The following ENTREP2 variants were observed in gnomAD, a reference collection of about 807,000 sequenced individuals.
ENTREP2 encodes the protein protein ENTREP2.
the ENTREP2 span, among the ~76,000 whole-genome samples, chr15:29,245,861 G>T: frequency 1.3e-5 from 2 of 152,108 alleles, no homozygotes. Context: ...CCAGGCACAG[G>T]CTCAGACTGC....
the ENTREP2 span, among the ~76,000 whole-genome samples, chr15:29,248,403 A>G: frequency 5.2e-4 from 79 of 152,294 alleles, no homozygotes; most frequent in African/African-American, 1.7e-3. Flanking sequence ...ACAAAAATTA[A>G]AAGGCAAATA....
At chr15:29,447,366 C>T in the ENTREP2 span, among the ~76,000 whole-genome samples, 1 of 152,180 alleles carries the variant, frequency 6.6e-6, no homozygotes, top group Non-Finnish European at 1.5e-5. Context: ...AAACAGAGTA[C>T]AGGGAGCTCT....
the ENTREP2 span, among the ~76,000 whole-genome samples, chr15:29,125,331 C>A: frequency 1.3e-5 from 2 of 152,202 alleles, no homozygotes; most frequent in Non-Finnish European, 2.9e-5. Flanking sequence ...ACGGGACTCT[C>A]TCCCTGTGAG....
At chr15:29,434,956 G>A in the ENTREP2 span, among the ~76,000 whole-genome samples, 1 of 152,108 alleles carries the variant, frequency 6.6e-6, no homozygotes, top group African/African-American at 2.4e-5. Flanking sequence ...TGGCTCCCAG[G>A]GAATCTCAGC....
At chr15:29,319,979 G>A in the ENTREP2 span, among the ~76,000 whole-genome samples, 2 of 152,184 alleles carry the variant, frequency 1.3e-5, no homozygotes, top group African/African-American at 2.4e-5. Context: ...GGGAGGGAAA[G>A]GCTAGTCCTA....
chr15:29,568,710 C>CAAAAAAAAAAA, the ENTREP2 span, among the ~76,000 whole-genome samples: 3 of 128,236 alleles, frequency 2.3e-5, no homozygotes, highest in African/African-American at 3.3e-5. Context: ...CCTCTTAAGG[C>CAAAAAAAAAAA]AAAAAAAAAA....
chr15:29,543,859 G>A, the ENTREP2 span, among the ~76,000 whole-genome samples: 1,494 of 151,436 alleles, frequency 9.9e-3, 20 homozygotes, highest in African/African-American at 0.035. Flanking sequence ...GATCAACAAA[G>A]ATTGGTCTTG....
At chr15:29,627,094 G>T in the ENTREP2 span, among the ~76,000 whole-genome samples, 1 of 151,952 alleles carries the variant, frequency 6.6e-6, no homozygotes, top group African/African-American at 2.4e-5. Context: ...ATAAGCATTT[G>T]GTGCTGTAAA....
chr15:29,349,581 T>A, the ENTREP2 span, among the ~76,000 whole-genome samples: 1 of 152,160 alleles, frequency 6.6e-6, no homozygotes, highest in African/African-American at 2.4e-5. Context: ...TATGGAAAAC[T>A]TATAGTGATA....
At chr15:29,335,740 C>A in the ENTREP2 span, among the ~76,000 whole-genome samples, 1 of 152,132 alleles carries the variant, frequency 6.6e-6, no homozygotes, top group South Asian at 2.1e-4. Context: ...CCCACAGAAC[C>A]TGAGAGCTGG....
the ENTREP2 span, among the ~76,000 whole-genome samples, chr15:29,501,247 C>A: frequency 6.7e-6 from 1 of 149,034 alleles, no homozygotes; most frequent in African/African-American, 2.5e-5. Context: ...GATCAATAAC[C>A]GTTGTGACTA....
the ENTREP2 span, among the ~76,000 whole-genome samples, chr15:29,150,938 A>G: frequency 6.6e-6 from 1 of 152,164 alleles, no homozygotes; most frequent in Admixed American, 6.5e-5. Context: ...AGACACACAC[A>G]GAGACAGAGA....
chr15:29,118,561 G>T, the ENTREP2 span, among the ~76,000 whole-genome samples: 1 of 152,206 alleles, frequency 6.6e-6, no homozygotes, highest in Admixed American at 6.5e-5. Flanking sequence ...CAGGTCACGG[G>T]GTCAGCGCCA....
the ENTREP2 span, among the ~76,000 whole-genome samples, chr15:29,279,524 T>G: frequency 2.0e-5 from 3 of 151,914 alleles, no homozygotes; most frequent in African/African-American, 4.8e-5. Context: ...GCCACCACAC[T>G]CAGCTAATTT....
the ENTREP2 span, among the ~76,000 whole-genome samples, chr15:29,572,588 CAG>C: frequency 1.1e-4 from 17 of 150,166 alleles, no homozygotes; most frequent in African/African-American, 4.2e-4. Context: ...GTGAACAAAA[CAG>C]ACAAAAATCC....
chr15:29,520,061 C>T, the ENTREP2 span, among the ~76,000 whole-genome samples: 1 of 152,162 alleles, frequency 6.6e-6, no homozygotes, highest in African/African-American at 2.4e-5. Context: ...AGCCCACTTG[C>T]ATTCAAGTAA....
At chr15:29,546,354 G>A in the ENTREP2 span, among the ~76,000 whole-genome samples, 1 of 152,108 alleles carries the variant, frequency 6.6e-6, no homozygotes, top group South Asian at 2.1e-4. Flanking sequence ...CAAAGTGCTG[G>A]AGCCAGTATA....
At chr15:29,349,067 C>A in the ENTREP2 span, among the ~76,000 whole-genome samples, 1 of 152,220 alleles carries the variant, frequency 6.6e-6, no homozygotes, top group Non-Finnish European at 1.5e-5. Context: ...CACAGCTGAT[C>A]TGGGGCTGCC....
the ENTREP2 span, among the ~76,000 whole-genome samples, chr15:29,447,154 A>G: frequency 3.9e-5 from 6 of 152,240 alleles, no homozygotes; most frequent in Admixed American, 3.9e-4. Context: ...CAAATCAAAT[A>G]ATTTTTAATT....
Sources: allele counts gnomAD v4.1 joint callset (sites outside exome capture counted in the v4.1 genomes callset), GRCh38; gene constraint gnomAD v4.1.1; transcripts MANE v1.5; gene names NCBI Gene and HGNC (gene_info 2026-07-23, HGNC 2026-07-21).